HDLBP: variants seen among roughly 807,000 people sequenced by gnomAD.
The protein encoded by HDLBP is high density lipoprotein binding protein, also known as vigilin.
In HDLBP, 30 loss-of-function variants were observed where a neutral mutation model predicts 137.3. The observed-to-expected ratio is 0.22, with a 90% confidence interval of 0.16 to 0.30. The LOEUF is 0.30. HDLBP is among the 10% of genes least tolerant of loss of function. The pLI is 1.00. For synonymous variants in HDLBP, 606 were observed against 596.0 expected (o/e 1.02, Z -0.24); for missense variants, 1,119 against 1,667.3 (o/e 0.67, Z 5.73).
At chr2:241,308,287 C>T (rs756846219) in intron 1 of HDLBP, among the ~76,000 whole-genome samples, 4 of 152,162 alleles carry the variant, frequency 2.6e-5, no homozygotes, top group African/African-American at 4.8e-5. Flanking sequence ...GTTTCAGCAA[C>T]GCTTGTGAGA....
chr2:241,230,607 C>A lies in HDLBP; in HGVS notation c.3474+152G>T. 1 of 692,202 alleles carries A rather than the reference C, an allele frequency of 1.4e-6. No individual in the cohort carries two copies. The highest frequency in any genetic ancestry group is 2.5e-6 in the Non-Finnish European group (1 of 407,620). 42.9% of individuals were successfully genotyped at this position (692,202 alleles called of 1,614,324 possible). On this transcript the variant is annotated intron_variant, in intron 25 of 27. Transcript: ENST00000310931. The surrounding 1 kb of genome is among the most constrained non-coding windows in gnomAD (Gnocchi z 5.0). Reference sequence around the variant, plus strand: ...TCACACAGGCCGTCGCCTGCACTGACCCGTGGTGTCCATGAGGACAGTTCC... The same window carrying A: ...TCACACAGGCCGTCGCCTGCACTGAACCGTGGTGTCCATGAGGACAGTTCC...
chr2:241,281,135 C>G (rs1173922502), intron 1 of HDLBP, among the ~76,000 whole-genome samples: 1 of 152,110 alleles, frequency 6.6e-6, no homozygotes, highest in African/African-American at 2.4e-5. Context: ...GTGGGCGGAT[C>G]ACTTGAGGTC....
chr2:241,233,618 A>G lies in HDLBP; in HGVS notation c.3288+202T>C, dbSNP rs2070054331. On this transcript the variant is annotated intron_variant, in intron 24 of 27. Transcript: ENST00000310931. The surrounding 1 kb of genome is among the most constrained non-coding windows in gnomAD (Gnocchi z 4.3). Reference sequence around the variant, plus strand: ...GAGAAAATGCTCCAGGCCCCAGATGATACATAGTGCCAGAGACCTCACCCA... The same window carrying G: ...GAGAAAATGCTCCAGGCCCCAGATGGTACATAGTGCCAGAGACCTCACCCA... Among the ~76,000 whole-genome samples the G allele has an allele frequency of 6.6e-6, 1 of 152,060 alleles. No homozygotes were observed.
chr2:241,313,618 C>G (rs1348061151), intron 1 of HDLBP, among the ~76,000 whole-genome samples: 1 of 152,138 alleles, frequency 6.6e-6, no homozygotes, highest in East Asian at 1.9e-4. Context: ...TCTGCAGAAC[C>G]CTTAACCCTA....
Position 241,228,808 on chromosome 2 carries a change from G to GT in HDLBP, c.*792dup, listed in dbSNP as rs761250846. The GT allele has an allele frequency of 6.5e-6, 1 of 152,880 alleles. No individual in the cohort carries two copies. The highest frequency in any genetic ancestry group is 2.4e-5 in the African/African-American group (1 of 41,452). 9.5% of individuals were successfully genotyped at this position (152,880 alleles called of 1,614,324 possible). On this transcript the variant is annotated 3_prime_UTR_variant, in exon 28 of 28. Coordinates refer to ENST00000310931, the MANE Select transcript of HDLBP (RefSeq NM_005336.6). ...CAAACTGCCCCCACTGAGGACAAGC[G>GT]TAAGGCCCTACCTCCCCCAACCTGT...
At chr2:241,235,037 C>T in intron 23 of HDLBP, 84 bp downstream of exon 23, 1 of 1,522,570 alleles carries the variant, frequency 6.6e-7, no homozygotes, top group South Asian at 1.2e-5. Context: ...ATGCTGGGAT[C>T]CTGAAGAACT....
At chr2:241,276,923 C>G (rs961420297) in intron 1 of HDLBP, among the ~76,000 whole-genome samples, 1 of 151,426 alleles carries the variant, frequency 6.6e-6, no homozygotes, top group African/African-American at 2.4e-5. Context: ...AATAAATCTA[C>G]TTTATTGAAC....
intron 1 of HDLBP, among the ~76,000 whole-genome samples, chr2:241,302,048 T>C (rs1363983981): frequency 7.2e-6 from 1 of 139,674 alleles, no homozygotes; most frequent in African/African-American, 2.7e-5. Context: ...TTGGGCAATA[T>C]AGCAAAACAG....
intron 27 of HDLBP, 48 bp downstream of exon 27, chr2:241,229,785 C>CG: frequency 1.8e-5 from 9 of 505,740 alleles, no homozygotes; most frequent in Non-Finnish European, 3.1e-5. Context: ...AGCCCGCCTG[C>CG]CCGCCCACCC....
Position 241,256,351 on chromosome 2 carries a change from A to T in HDLBP, c.706T>A (p.Phe236Ile), listed in dbSNP as rs1256417729. ...RLEVEKAFHP[F>I]IAGPYNRLVG... is the part of the protein sequence containing the mutation. ...AGTCTATTATACGGCCCAGCGATGA[A>T]GGGGTGGAATGCCTTTTCTACTTCT... The change falls in exon 7 of 28, where the codon TTC becomes ATC. Residue 236 changes from phenylalanine (F) to isoleucine (I), a missense_variant. Phe to Ile is a conservative substitution (Grantham distance 21). Transcript: ENST00000310931. The T allele has an allele frequency of 6.2e-7, 1 of 1,613,906 alleles. No individual in the cohort carries two copies. Among genetic ancestry groups the T allele is most frequent in the Non-Finnish European group, 8.5e-7 (1 of 1,179,820 alleles).
intron 5 of HDLBP, among the ~76,000 whole-genome samples, chr2:241,259,691 T>G (rs541061073): frequency 1.3e-3 from 204 of 152,280 alleles, no homozygotes; most frequent in Non-Finnish European, 2.2e-3. Flanking sequence ...CCCAGGCTGG[T>G]CTCAAATTCC....
chr2:241,307,417 T>C (rs2075617876), intron 1 of HDLBP, among the ~76,000 whole-genome samples: 1 of 152,230 alleles, frequency 6.6e-6, no homozygotes, highest in African/African-American at 2.4e-5. Flanking sequence ...CTAAGCCTCC[T>C]GAGAGACTGG....
chr2:241,234,028 C>T (rs1374548395), intron 23 of HDLBP, 65 bp from the exon 24 acceptor site: 8 of 1,576,588 alleles, frequency 5.1e-6, no homozygotes, highest in South Asian at 1.1e-5. Context: ...CTCCATTCCC[C>T]TTCCACCCTG....
intron 1 of HDLBP, among the ~76,000 whole-genome samples, chr2:241,286,372 CAA>C (rs2074809704): frequency 6.6e-6 from 1 of 152,212 alleles, no homozygotes; most frequent in East Asian, 1.9e-4. Context: ...CCATTCTCTT[CAA>C]AGTCTCCCCT....
intron 11 of HDLBP, chr2:241,250,534 C>CA (rs2072049255): frequency 6.6e-6 from 1 of 152,580 alleles, no homozygotes; most frequent in African/African-American, 2.4e-5. Context: ...CTCCTGCTGT[C>CA]AACCTCTCTG....
chr2:241,230,685 T>G lies in HDLBP; in HGVS notation c.3474+74A>C. On this transcript the variant is annotated intron_variant, in intron 25 of 27. Transcript: ENST00000310931. The surrounding 1 kb of genome is among the most constrained non-coding windows in gnomAD (Gnocchi z 5.0). ...TCATCTTGAGGGGAAGGCCATGCCC[T>G]GCTCTTTCTTCTGGCCAGCCAGGTG... 1 of 1,310,936 alleles carries G rather than the reference T, an allele frequency of 7.6e-7. No individual in the cohort carries two copies. 81.2% of individuals were successfully genotyped at this position (1,310,936 alleles called of 1,614,324 possible). A position where few individuals can be genotyped will look rare whatever the true frequency, so the allele number is the denominator to read the frequency against.
At chr2:241,301,433 AC>A (rs1224278561) in intron 1 of HDLBP, among the ~76,000 whole-genome samples, 5 of 152,326 alleles carry the variant, frequency 3.3e-5, no homozygotes, top group African/African-American at 1.2e-4. Flanking sequence ...AAAGCATATC[AC>A]GTAAGAAGAG....
At chr2:241,287,985 C>A (rs67625947) in intron 1 of HDLBP, among the ~76,000 whole-genome samples, 48,289 of 152,022 alleles carry the variant, frequency 0.32, 8,399 homozygotes, top group East Asian at 0.51. Flanking sequence ...CACCACATAC[C>A]CCCAAAGTGT....
intron 1 of HDLBP, chr2:241,279,933 A>G: frequency 1.0e-6 from 1 of 985,390 alleles, no homozygotes; most frequent in African/African-American, 1.7e-5. Flanking sequence ...TCTTTGCTTT[A>G]ACTTATCACC....
Sources: gnomAD v4.1 joint callset for allele counts (sites outside exome capture counted in the v4.1 genomes callset) on GRCh38, gnomAD v4.1.1 for gene constraint, Gnocchi (gnomAD v3.1) non-coding constraint, MANE v1.5 for transcripts, NCBI Gene and HGNC (gene_info 2026-07-23, HGNC 2026-07-21) for gene names.